The following G3BP2 variants were observed in gnomAD, a reference collection of about 807,000 sequenced individuals.
G3BP2 encodes ras GTPase-activating protein-binding protein 2.
In G3BP2, 11 loss-of-function variants were observed where a neutral mutation model predicts 56.7. The ratio of observed to expected loss-of-function variants is 0.19; its 90% CI spans 0.12 to 0.32. The LOEUF (loss-of-function observed/expected upper bound fraction) is 0.32, where lower values mean the gene tolerates loss of function less well. Among genes scored for constraint, G3BP2 ranks in the 10% least tolerant of loss-of-function variants. The pLI is 1.00. For missense variants in G3BP2, 340 were observed against 610.9 expected (o/e 0.56, Z 4.67); for synonymous variants, 165 against 191.6 (o/e 0.86, Z 1.15).
At position 75,673,217 on chromosome 4, in the gene G3BP2, A is replaced by ACGG; in HGVS notation, c.-37_-35dup. 9.9e-6 allele frequency: 12 copies of ACGG among 1,209,966 alleles called. No individual in the cohort carries two copies. The highest frequency in any genetic ancestry group is 1.1e-5 in the Non-Finnish European group (11 of 974,230). 75.0% of individuals were successfully genotyped at this position (1,209,966 alleles called of 1,614,324 possible). On this transcript the variant is annotated 5_prime_UTR_variant, in exon 1 of 12. Transcript: ENST00000359707. ...CGGCGCCCGTACACACCTCCAGCCA[A>ACGG]CGGCGGCGGCGGGTACGTCGCGCGG...
At chr4:75,658,141 C>T (rs983554823) in intron 3 of G3BP2, among the ~76,000 whole-genome samples, 10 of 152,164 alleles carry the variant, frequency 6.6e-5, no homozygotes, top group African/African-American at 1.9e-4. Context: ...CCCTGTTAGG[C>T]CATAGGAAAC....
intron 3 of G3BP2, among the ~76,000 whole-genome samples, chr4:75,679,711 C>A (rs1009178101): frequency 5.3e-5 from 8 of 152,094 alleles, no homozygotes; most frequent in African/African-American, 1.9e-4. Context: ...AGGCAATAGT[C>A]TCATAAAAAA....
intron 3 of G3BP2, among the ~76,000 whole-genome samples, chr4:75,708,091 C>T (rs1267402239): frequency 6.6e-6 from 1 of 152,130 alleles, no homozygotes; most frequent in African/African-American, 2.4e-5. Context: ...TAGGTATTGC[C>T]TTAGGGAAGT....
At chr4:75,707,501 C>A (rs1719595931) in intron 3 of G3BP2, among the ~76,000 whole-genome samples, 1 of 148,946 alleles carries the variant, frequency 6.7e-6, no homozygotes, top group East Asian at 2.0e-4. Flanking sequence ...CCCAGCTACT[C>A]GGAGAGGCTG....
Position 75,706,842 on chromosome 4 carries a change from G to A in G3BP2, c.-25+14035C>T, listed in dbSNP as rs149248280. ...ATGTTAAATGACAAGTAGCAAATCG[G>A]AGTGGAAAGGACTATTATGCATAGC... On this transcript the variant is annotated intron_variant, in intron 3 of 3. Transcript: ENST00000499709. 3.8e-4 allele frequency among the ~76,000 whole-genome samples: 58 copies of A among 152,234 alleles called. 1 individual carries two copies. The highest frequency in any genetic ancestry group is 1.4e-3 in the African/African-American group (57 of 41,546).
chr4:75,673,480 G>C (rs1560406612), upstream of G3BP2: 1 of 1,232,216 alleles, frequency 8.1e-7, no homozygotes. Flanking sequence ...GAACCCCCGA[G>C]CACAGCGTCA....
At chr4:75,663,834 G>A (rs1732767277) in intron 1 of G3BP2, among the ~76,000 whole-genome samples, 1 of 2,834 alleles carries the variant, frequency 3.5e-4, no homozygotes, top group African/African-American at 1.2e-3. Flanking sequence ...ACTCCAGCCT[G>A]GGCGACAGAG....
intron 9 of G3BP2, 52 bp from the exon 10 acceptor site, chr4:75,647,209 C>T: frequency 8.3e-7 from 1 of 1,201,944 alleles, no homozygotes; most frequent in Non-Finnish European, 1.2e-6. Flanking sequence ...ATAAAAACTA[C>T]TTCAAAGGAG....
intron 1 of G3BP2, among the ~76,000 whole-genome samples, chr4:75,668,294 T>A (rs945006369): frequency 6.6e-6 from 1 of 152,224 alleles, no homozygotes; most frequent in African/African-American, 2.4e-5. Flanking sequence ...CACTCTCCTT[T>A]CCTCAAACTT....
In G3BP2 at chr4:75,646,390, C is replaced by A. The variant is rs1462272923; in HGVS notation, c.1124G>T (p.Gly375Val). ...TTCAGAGTCATCAAAAACCACAAAACCAAAATTTGGAAGCTTTCCCCCAAC... is the reference window on the plus strand; with the variant it reads ...TTCAGAGTCATCAAAAACCACAAAAACAAAATTTGGAAGCTTTCCCCCAAC... ...KGVGGKLPNF[G>V]FVVFDDSEPV... The change falls in exon 11 of 12, where the codon GGT (glycine) becomes GTT (valine). Residue 375 changes from glycine to valine, a missense_variant. By Grantham distance (109) the Gly-to-Val change is moderately radical. This residue lies in a region of G3BP2 where 94 missense variants were observed against 173.8 expected (regional missense o/e 0.54). Coordinates refer to ENST00000359707, the MANE Select transcript of G3BP2 (RefSeq NM_203505.3). The A allele has an allele frequency of 6.2e-7, 1 of 1,603,124 alleles. No homozygotes were observed.
Position 75,714,842 on chromosome 4 carries a change from T to C in G3BP2, c.-25+6035A>G, listed in dbSNP as rs139943562. Among the ~76,000 whole-genome samples the C allele has an allele frequency of 4.3e-3, 662 of 152,278 alleles. 5 individuals carry two copies. Among genetic ancestry groups the C allele is most frequent in the Middle Eastern group, 0.017 (5 of 294 alleles). On this transcript the variant is annotated intron_variant, in intron 3 of 3. Coordinates refer to the G3BP2 transcript ENST00000499709. Reference sequence around the variant, plus strand: ...GATGCTGGAGATAGAACAGTCAGCCTGTAACCTCAGGCCAAGGATGCCTGC... The same window carrying C: ...GATGCTGGAGATAGAACAGTCAGCCCGTAACCTCAGGCCAAGGATGCCTGC...
chr4:75,707,539 G>A (rs1252804483), intron 3 of G3BP2, among the ~76,000 whole-genome samples: 1 of 151,454 alleles, frequency 6.6e-6, no homozygotes, highest in African/African-American at 2.4e-5. Flanking sequence ...GAACCTGGGA[G>A]GCGGAGGTTG....
At chr4:75,677,855 A>C (rs1733935500), upstream of G3BP2, among the ~76,000 whole-genome samples, 1 of 152,206 alleles carries the variant, frequency 6.6e-6, no homozygotes, top group Admixed American at 6.5e-5. Flanking sequence ...CTTAATCTCC[A>C]ATGCAAAAGT....
At chr4:75,648,528 T>G in intron 9 of G3BP2, 111 bp downstream of exon 9, 1 of 528,466 alleles carries the variant, frequency 1.9e-6, no homozygotes, top group Non-Finnish European at 3.4e-6. Context: ...TTTAAGCAAT[T>G]TGAGACTATA....
intron 6 of G3BP2, 105 bp downstream of exon 6, chr4:75,655,663 T>C: frequency 1.5e-6 from 1 of 676,606 alleles, no homozygotes; most frequent in Admixed American, 2.4e-5. Flanking sequence ...ACTGACATAA[T>C]AGGTGGTTTT....
intron 3 of G3BP2, among the ~76,000 whole-genome samples, chr4:75,719,608 G>A (rs978666846): frequency 1.3e-5 from 2 of 151,858 alleles, no homozygotes; most frequent in African/African-American, 4.8e-5. Context: ...TTTCTTTTTT[G>A]AGACGGAGTT....
chr4:75,694,926 G>A lies in G3BP2; in HGVS notation c.-25+25951C>T, dbSNP rs563413883. On this transcript the variant is annotated intron_variant, in intron 3 of 3. Transcript: ENST00000499709. ...GACAGGAAGCGATAAGGACATGAAG[G>A]AAACTGGAGCAGCAAGACAAGAAAG... 1.1e-4 allele frequency: 111 copies of A among 985,700 alleles called. 1 individual carries two copies. The South Asian group carries it at 4.7e-3, about 42-fold the overall frequency. The allele number at this position is 985,700 out of a possible 1,614,324, so 61.1% of individuals were successfully genotyped here. A position where few individuals can be genotyped will look rare whatever the true frequency, so the allele number is the denominator to read the frequency against.
upstream of G3BP2, among the ~76,000 whole-genome samples, chr4:75,675,530 C>G (rs1201991022): frequency 6.6e-6 from 1 of 152,184 alleles, no homozygotes; most frequent in African/African-American, 2.4e-5. Context: ...CGGCAGCTCA[C>G]GACTGTAATC....
chr4:75,676,643 T>C (rs1488019693), upstream of G3BP2, among the ~76,000 whole-genome samples: 1 of 152,206 alleles, frequency 6.6e-6, no homozygotes, highest in Admixed American at 6.5e-5. Context: ...ACATTTATTC[T>C]GGATTAAATA....
Sources: allele counts gnomAD v4.1 joint callset (sites outside exome capture counted in the v4.1 genomes callset), GRCh38; gene constraint gnomAD v4.1.1; regional missense constraint gnomAD v4.1.1; transcripts MANE v1.5; gene names NCBI Gene and HGNC (gene_info 2026-07-23, HGNC 2026-07-21).